The following PRICKLE2 variants were observed in gnomAD, a reference collection of about 807,000 sequenced individuals.
PRICKLE2 encodes the protein prickle-like protein 2.
Under a neutral mutation model 81.4 loss-of-function variants are expected in PRICKLE2, and 21 were observed. That is an observed-to-expected ratio of 0.26 (90% confidence interval 0.18 to 0.37). The LOEUF (loss-of-function observed/expected upper bound fraction) is 0.37. PRICKLE2 is among the 10% of genes least tolerant of loss of function. The pLI, the probability that PRICKLE2 is intolerant of heterozygous loss-of-function variation, is 1.00. For synonymous variants in PRICKLE2, 456 were observed against 421.5 expected (o/e 1.08, Z -1.00); for missense variants, 940 against 1,109.0 (o/e 0.85, Z 2.16).
In PRICKLE2 at chr3:64,096,493, T is replaced by G. The variant is rs950257817; in HGVS notation, c.*2558A>C. 3 of 152,206 alleles carry G rather than the reference T, an allele frequency of 2.0e-5. No homozygotes were observed. Among genetic ancestry groups the G allele is most frequent in the African/African-American group, 7.2e-5 (3 of 41,456 alleles). The allele number at this position is 152,206 out of a possible 1,614,324, so 9.4% of individuals were successfully genotyped here. A position where few individuals can be genotyped will look rare whatever the true frequency, so the allele number is the denominator to read the frequency against. Reference sequence around the variant, plus strand: ...GGGGTTCTGCCATCATTGTAAGGAATTGGCCTTCCTCATTCAGCATTCTCT... The same window carrying G: ...GGGGTTCTGCCATCATTGTAAGGAAGTGGCCTTCCTCATTCAGCATTCTCT... On this transcript the variant is annotated 3_prime_UTR_variant, in exon 8 of 8. Coordinates refer to ENST00000638394, the MANE Select transcript of PRICKLE2 (RefSeq NM_198859.4).
At chr3:64,135,836 C>G (rs2077270619) in intron 7 of PRICKLE2, among the ~76,000 whole-genome samples, 1 of 152,148 alleles carries the variant, frequency 6.6e-6, no homozygotes, top group African/African-American at 2.4e-5. Flanking sequence ...GTTAAACAAT[C>G]AAACACACAA....
At chr3:64,199,313 T>G in intron 1 of PRICKLE2, 1 of 398,372 alleles carries the variant, frequency 2.5e-6, no homozygotes, top group Non-Finnish European at 4.5e-6. Context: ...TGACCACAAT[T>G]TCCTTGACTG....
intron 7 of PRICKLE2, among the ~76,000 whole-genome samples, chr3:64,128,674 A>T (rs964796393): frequency 1.4e-5 from 2 of 138,586 alleles, no homozygotes; most frequent in Non-Finnish European, 3.0e-5. Flanking sequence ...TGAACCCGGG[A>T]GGGAGAGGTT....
intron 1 of PRICKLE2, among the ~76,000 whole-genome samples, chr3:64,218,844 G>A (rs2078910188): frequency 6.6e-6 from 1 of 152,112 alleles, no homozygotes; most frequent in Non-Finnish European, 1.5e-5. Context: ...AGGGGAGCTT[G>A]TTAAAAATTC....
intron 7 of PRICKLE2, among the ~76,000 whole-genome samples, chr3:64,120,047 G>T (rs2077000961): frequency 6.6e-6 from 1 of 152,108 alleles, no homozygotes; most frequent in African/African-American, 2.4e-5. Flanking sequence ...AGAGACATGG[G>T]GGCTACTAGA....
At chr3:64,180,436 G>A (rs2078108567) in intron 2 of PRICKLE2, among the ~76,000 whole-genome samples, 1 of 151,942 alleles carries the variant, frequency 6.6e-6, no homozygotes, top group South Asian at 2.1e-4. Flanking sequence ...TTCCCATACT[G>A]AAACTCTGTA....
chr3:64,210,153 G>A (rs2078761722), intron 1 of PRICKLE2, among the ~76,000 whole-genome samples: 1 of 152,102 alleles, frequency 6.6e-6, no homozygotes. Flanking sequence ...CCATTTTAGT[G>A]GGTGTAGGAA....
intron 1 of PRICKLE2, among the ~76,000 whole-genome samples, chr3:64,213,752 C>T (rs569932576): frequency 2.7e-5 from 4 of 145,608 alleles, no homozygotes; most frequent in African/African-American, 7.9e-5. Flanking sequence ...AAACGCTTTC[C>T]ACGCTTTTCT....
intron 1 of PRICKLE2, among the ~76,000 whole-genome samples, chr3:64,204,429 A>G (rs2078645135): frequency 6.6e-6 from 1 of 152,222 alleles, no homozygotes; most frequent in Non-Finnish European, 1.5e-5. Flanking sequence ...CAACTGAACT[A>G]TTCAGAGCAG....
intron 1 of PRICKLE2, among the ~76,000 whole-genome samples, chr3:64,206,346 G>A (rs1009735465): frequency 1.3e-5 from 2 of 152,108 alleles, no homozygotes; most frequent in African/African-American, 4.8e-5. Flanking sequence ...AACAGGTGTG[G>A]GTTTTACCAA....
rs950017661 is a variant in PRICKLE2 at position 64,097,001 on chromosome 3, G to T, written c.*2050C>A. ...AGAAACCTGCCACTTTAGTAGCACG[G>T]TATTGCAAATTATTTCTTAATCAGT... On this transcript the variant is annotated 3_prime_UTR_variant, in exon 8 of 8. Coordinates refer to ENST00000638394, the MANE Select transcript of PRICKLE2 (RefSeq NM_198859.4). 2.6e-5 allele frequency: 4 copies of T among 152,460 alleles called. No individual in the cohort carries two copies. Among genetic ancestry groups the T allele is most frequent in the African/African-American group, 9.7e-5 (4 of 41,392 alleles). 9.4% of individuals were successfully genotyped at this position (152,460 alleles called of 1,614,324 possible). A position where few individuals can be genotyped will look rare whatever the true frequency, so the allele number is the denominator to read the frequency against.
chr3:64,190,505 T>C (rs2078313439), intron 2 of PRICKLE2, among the ~76,000 whole-genome samples: 2 of 152,228 alleles, frequency 1.3e-5, no homozygotes, highest in Admixed American at 1.3e-4. Context: ...GTCTCTTGTT[T>C]ACTGTTTTGT....
chr3:64,099,724 A>G lies in PRICKLE2; in HGVS notation c.1862T>C (p.Leu621Pro). 1 of 1,614,090 alleles carries G rather than the reference A, an allele frequency of 6.2e-7. No homozygotes were observed. ...AQQYQEMEGN[L>P]HQLSNPIGYR... ...GCCAATGGGGTTGCTGAGCTGGTGG[A>G]GGTTTCCCTCCATCTCCTGGTACTG... The change falls in exon 8 of 8, where the codon CTC becomes CCC. Residue 621 changes from leucine to proline, a missense_variant. By Grantham distance (98) the Leu-to-Pro change is moderately conservative. Around this residue, in one of 2 missense-constraint regions of PRICKLE2, gnomAD observed 670 missense variants for 717.2 expected, o/e 0.93. Coordinates refer to ENST00000638394, the MANE Select transcript of PRICKLE2 (RefSeq NM_198859.4). The surrounding 1 kb of genome is among the most constrained non-coding windows in gnomAD (Gnocchi z 4.3).
At chr3:64,120,031 G>C (rs941799274) in intron 7 of PRICKLE2, among the ~76,000 whole-genome samples, 9 of 152,106 alleles carry the variant, frequency 5.9e-5, no homozygotes, top group African/African-American at 2.2e-4. Flanking sequence ...TGTAAAGATG[G>C]CAACAAGAGA....
chr3:64,138,881 T>G (rs1044976284), intron 7 of PRICKLE2, among the ~76,000 whole-genome samples: 1 of 152,340 alleles, frequency 6.6e-6, no homozygotes, highest in East Asian at 1.9e-4. Flanking sequence ...GGGTGCCAGC[T>G]GGTTAAGAGG....
intron 2 of PRICKLE2, among the ~76,000 whole-genome samples, chr3:64,237,761 T>C (rs2079203954): frequency 6.6e-6 from 1 of 152,192 alleles, no homozygotes; most frequent in Admixed American, 6.5e-5. Flanking sequence ...CCCTGCCTCC[T>C]GTCCATATCA....
In PRICKLE2 at chr3:64,147,698, G is replaced by C; in HGVS notation, c.792C>G (p.Ile264Met). ...CATCATAGGTCATTTGACCTTGGTC[G>C]ATACCTAAAAAAATGAGAGACATTG... ...YCDTCAQHIGIDQGQMTYDGQ... is the reference protein window; with the variant it reads ...YCDTCAQHIGMDQGQMTYDGQ... Residue 264 changes from isoleucine (I) to methionine (M), a missense_variant, in exon 7 of 8, where the codon ATC becomes ATG. By Grantham distance (10) the Ile-to-Met change is conservative. Around this residue, in one of 2 missense-constraint regions of PRICKLE2, gnomAD observed 270 missense variants for 391.8 expected, o/e 0.69. Coordinates refer to ENST00000638394, the MANE Select transcript of PRICKLE2 (RefSeq NM_198859.4). The surrounding 1 kb of genome is among the most constrained non-coding windows in gnomAD (Gnocchi z 5.0). 1 of 1,613,634 alleles carries C rather than the reference G, an allele frequency of 6.2e-7. No homozygotes were observed. Among genetic ancestry groups the C allele is most frequent in the South Asian group, 1.1e-5 (1 of 91,084 alleles).
chr3:64,137,933 C>T (rs189385093), intron 7 of PRICKLE2, among the ~76,000 whole-genome samples: 2 of 152,284 alleles, frequency 1.3e-5, no homozygotes, highest in East Asian at 1.9e-4. Context: ...CATCTAATCT[C>T]TCCCTCCAAA....
At chr3:64,160,980 AAAC>A (rs1235738354) in intron 3 of PRICKLE2, among the ~76,000 whole-genome samples, 5 of 151,632 alleles carry the variant, frequency 3.3e-5, no homozygotes, top group African/African-American at 1.2e-4. Flanking sequence ...ACAAACAAAC[AAAC>A]AAAAAAACCA....
Sources: gnomAD v4.1 joint callset for allele counts (sites outside exome capture counted in the v4.1 genomes callset) on GRCh38, gnomAD v4.1.1 for gene constraint, gnomAD v4.1.1 regional missense constraint, Gnocchi (gnomAD v3.1) non-coding constraint, MANE v1.5 for transcripts, NCBI Gene and HGNC (gene_info 2026-07-23, HGNC 2026-07-21) for gene names.